DYNC2I1: variants seen among roughly 807,000 people sequenced by gnomAD.
DYNC2I1 encodes the protein dynein 2 intermediate chain 1.
A neutral mutation model predicts 133.4 loss-of-function variants in DYNC2I1; 89 were observed. The ratio of observed to expected loss-of-function variants is 0.67; its 90% CI spans 0.56 to 0.80. The LOEUF (loss-of-function observed/expected upper bound fraction) is 0.80. Among genes scored for constraint, DYNC2I1 ranks in the 30% least tolerant of loss-of-function variants. The probability of loss-of-function intolerance (pLI) is 0.00; values close to 1 mark genes in which losing one functional copy is unlikely to be tolerated. For missense variants in DYNC2I1, 1,291 were observed against 1,314.5 expected (o/e 0.98, Z 0.28); for synonymous variants, 504 against 484.3 (o/e 1.04, Z -0.54).
At chr7:158,909,013 T>C (rs985396004) in intron 11 of DYNC2I1, among the ~76,000 whole-genome samples, 4 of 152,174 alleles carry the variant, frequency 2.6e-5, no homozygotes, top group Non-Finnish European at 4.4e-5. Context: ...TTTTCTTTTA[T>C]GGAATAGGCA....
chr7:158,881,159 C>T (rs527260369), intron 5 of DYNC2I1, among the ~76,000 whole-genome samples: 30 of 152,352 alleles, frequency 2.0e-4, no homozygotes, highest in Admixed American at 5.9e-4. Context: ...CCATCTCAGC[C>T]GCTCTTGGCG....
intron 14 of DYNC2I1, among the ~76,000 whole-genome samples, chr7:158,917,166 A>G (rs1848459675): frequency 7.8e-6 from 1 of 128,124 alleles, no homozygotes; most frequent in South Asian, 2.5e-4. Context: ...TGAAATGTTG[A>G]CACGTGGTTG....
chr7:158,942,182 G>T (rs778992217), intron 24 of DYNC2I1, 34 bp downstream of exon 24: 2 of 1,486,090 alleles, frequency 1.3e-6, no homozygotes, highest in East Asian at 2.4e-5. Context: ...GCTGCTGGTT[G>T]TGGGGGGGCT....
At chr7:158,930,583 G>T in intron 21 of DYNC2I1, 68 bp downstream of exon 21, 3 of 1,327,044 alleles carry the variant, frequency 2.3e-6, no homozygotes, top group African/African-American at 1.4e-5. Context: ...TTGGGGAATT[G>T]CATATACGGT....
At position 158,934,220 on chromosome 7, in the gene DYNC2I1, A is replaced by C; in HGVS notation, c.2638A>C (p.Thr880Pro). The change falls in exon 22 of 25, where the codon ACA becomes CCA. Residue 880 changes from threonine to proline, a missense_variant. Physicochemically the swap from Thr to Pro is conservative, Grantham distance 38. Coordinates refer to ENST00000407559, the MANE Select transcript of DYNC2I1 (RefSeq NM_018051.5). ...AGATCCTAATCACTTTATTATTGGCACAGACATGGTGAGTAGTATTTTAAA... is the reference window on the plus strand; with the variant it reads ...AGATCCTAATCACTTTATTATTGGCCCAGACATGGTGAGTAGTATTTTAAA... ...PSDPNHFIIG[T>P]DMGLISHGTR... The C allele has an allele frequency of 6.2e-7, 1 of 1,610,898 alleles. No individual in the cohort carries two copies. The highest frequency in any genetic ancestry group is 8.5e-7 in the Non-Finnish European group (1 of 1,178,842).
At position 158,955,461 on chromosome 7, in the gene DYNC2I1, T is replaced by A. The variant is rs771052453; in HGVS notation, c.*57-1122T>A. 5.3e-5 allele frequency among the ~76,000 whole-genome samples: 8 copies of A among 152,356 alleles called. No individual in the cohort carries two copies. The South Asian group carries it at 1.0e-3, about 20-fold the overall frequency. On this transcript the variant is annotated intron_variant and NMD_transcript_variant, in intron 4 of 4. Transcript: ENST00000454771. ...CCCCTAGGTTTTCACAGAACATGTC[T>A]ACTATTTCAGAGTCTTGGGGTAATA...
downstream of DYNC2I1, among the ~76,000 whole-genome samples, chr7:158,948,592 G>A (rs576806071): frequency 5.3e-5 from 8 of 152,064 alleles, no homozygotes; most frequent in Admixed American, 3.9e-4. Context: ...TGAAGGTGGC[G>A]CGGGGGATGG....
Position 158,869,874 on chromosome 7 carries a change from C to T in DYNC2I1, c.35C>T (p.Thr12Ile), listed in dbSNP as rs767198225. Residue 12 changes from threonine to isoleucine, a missense_variant, in exon 2 of 25, where the codon ACC becomes ATC. By Grantham distance (89) the Thr-to-Ile change is moderately conservative. Transcript: ENST00000407559. ...EPGKRRTKDDTWKADDLRKHL... is the reference protein window; with the variant it reads ...EPGKRRTKDDIWKADDLRKHL... The stretch of plus-strand genomic sequence containing the variant: ...ATTTAGAGAAGAACCAAAGATGATA[C>T]CTGGAAAGCAGATGACCTCAGAAAA... 31 of 1,613,032 alleles carry T rather than the reference C, an allele frequency of 1.9e-5. No individual in the cohort carries two copies. The highest frequency in any genetic ancestry group is 2.5e-5 in the Non-Finnish European group (29 of 1,179,278).
chr7:158,952,622 G>A (rs1012568961), intron 4 of DYNC2I1, among the ~76,000 whole-genome samples: 1 of 151,970 alleles, frequency 6.6e-6, no homozygotes, highest in Admixed American at 6.6e-5. Flanking sequence ...AGGGAGAAAA[G>A]GAGGGTGAAC....
At chr7:158,860,056 GTT>G (rs34585662) in intron 1 of DYNC2I1, among the ~76,000 whole-genome samples, 134 of 142,942 alleles carry the variant, frequency 9.4e-4, no homozygotes, top group African/African-American at 1.6e-3. Flanking sequence ...TGGTATTAGA[GTT>G]TTTTTTTTTT....
intron 4 of DYNC2I1, among the ~76,000 whole-genome samples, chr7:158,877,699 T>C (rs1843497438): frequency 6.6e-6 from 1 of 152,226 alleles, no homozygotes; most frequent in Admixed American, 6.5e-5. Flanking sequence ...ATTTTTTTTC[T>C]CTCTTTTTTT....
At position 158,876,550 on chromosome 7, in the gene DYNC2I1, A is replaced by G; in HGVS notation, c.491-59A>G. 3.3e-6 allele frequency: 5 copies of G among 1,501,724 alleles called. No individual in the cohort carries two copies. The South Asian group carries it at 5.5e-5, about 16-fold the overall frequency. The allele number at this position is 1,501,724 out of a possible 1,614,324, so 93.0% of individuals were successfully genotyped here. A position where few individuals can be genotyped will look rare whatever the true frequency, so the allele number is the denominator to read the frequency against. Reference sequence around the variant, plus strand: ...AATACCATCCATAGCAAGATGTTAAAAGAGTTTTTTGATGTGCTAACATTT... The same window carrying G: ...AATACCATCCATAGCAAGATGTTAAGAGAGTTTTTTGATGTGCTAACATTT... On this transcript the variant is annotated intron_variant, in intron 3 of 24. Transcript: ENST00000407559.
At chr7:158,848,796 C>A in the DYNC2I1 span, among the ~76,000 whole-genome samples, 2 of 151,948 alleles carry the variant, frequency 1.3e-5, no homozygotes, top group African/African-American at 2.4e-5. Context: ...TGGTGGCAGG[C>A]GCCTGTAGTC....
Position 158,914,220 on chromosome 7 carries a change from C to G in DYNC2I1, c.1703-13C>G. On this transcript the variant is annotated splice_polypyrimidine_tract_variant and intron_variant, in intron 13 of 24. Coordinates refer to ENST00000407559, the MANE Select transcript of DYNC2I1 (RefSeq NM_018051.5). ...GTCGACTTCGTTGATTTTATATAAA[C>G]TGTTTTTTTTAGGCAGTGAACAAAG... The G allele has an allele frequency of 6.2e-7, 1 of 1,600,440 alleles. No homozygotes were observed. Among genetic ancestry groups the G allele is most frequent in the Non-Finnish European group, 8.5e-7 (1 of 1,172,226 alleles).
At chr7:158,866,354 G>C (rs1842404872) in intron 1 of DYNC2I1, among the ~76,000 whole-genome samples, 1 of 149,556 alleles carries the variant, frequency 6.7e-6, no homozygotes, top group Non-Finnish European at 1.5e-5. Context: ...CTCCTGGTTG[G>C]ACTGTCCCTG....
chr7:158,927,514 G>A (rs1396823174), intron 20 of DYNC2I1, among the ~76,000 whole-genome samples: 1 of 151,384 alleles, frequency 6.6e-6, no homozygotes, highest in Non-Finnish European at 1.5e-5. Context: ...CTGTTGAACG[G>A]GCATCTCAAT....
chr7:158,897,607 G>A (rs754730134), intron 8 of DYNC2I1, among the ~76,000 whole-genome samples: 2 of 152,042 alleles, frequency 1.3e-5, no homozygotes, highest in Non-Finnish European at 2.9e-5. Context: ...CCTTTCTGAC[G>A]CTAGTAATTT....
chr7:158,891,042 G>A (rs1845161112), intron 7 of DYNC2I1, among the ~76,000 whole-genome samples: 1 of 152,214 alleles, frequency 6.6e-6, no homozygotes, highest in Non-Finnish European at 1.5e-5. Context: ...TTTTTCAGAA[G>A]GGAAAGCCGA....
intron 14 of DYNC2I1, among the ~76,000 whole-genome samples, chr7:158,915,909 ACGT>A (rs1253200990): frequency 1.6e-4 from 22 of 136,684 alleles, no homozygotes; most frequent in Admixed American, 2.2e-4. Context: ...TGATTGTGAA[ACGT>A]CGACACGCTG....
Sources: allele counts gnomAD v4.1 joint callset (sites outside exome capture counted in the v4.1 genomes callset), GRCh38; gene constraint gnomAD v4.1.1; transcripts MANE v1.5; gene names NCBI Gene and HGNC (gene_info 2026-07-23, HGNC 2026-07-21).